The following SH3GL2 variants were observed in gnomAD, a reference collection of about 807,000 sequenced individuals.
SH3GL2 encodes SH3 domain containing GRB2 like 2, endophilin A1, also known as endophilin-A1.
In SH3GL2, 24 loss-of-function variants were observed where a neutral mutation model predicts 46.0. The observed-to-expected ratio is 0.52, with a 90% CI of 0.38 to 0.73. SH3GL2 has a LOEUF of 0.73. SH3GL2 is among the 30% of genes least tolerant of loss of function. The pLI is 0.00. For missense variants in SH3GL2, 413 were observed against 424.2 expected (o/e 0.97, Z 0.23); for synonymous variants, 196 against 147.1 (o/e 1.33, Z -2.40).
At chr9:17,772,004 ACT>A (rs1823495117) in intron 3 of SH3GL2, among the ~76,000 whole-genome samples, 1 of 152,040 alleles carries the variant, frequency 6.6e-6, no homozygotes, top group South Asian at 2.1e-4. Context: ...TTACAGTATA[ACT>A]CTTTCTGTCA....
In SH3GL2 at chr9:17,579,201, C is replaced by T. The variant is rs993776254; in HGVS notation, c.-42C>T. 29 of 1,484,768 alleles carry T rather than the reference C, an allele frequency of 2.0e-5. No individual in the cohort carries two copies. The highest frequency in any genetic ancestry group is 2.4e-5 in the Non-Finnish European group (26 of 1,105,050). The allele number at this position is 1,484,768 out of a possible 1,614,324, so 92.0% of individuals were successfully genotyped here. ...TCGGCCCTCCAGTCCCCCTCCGCCT[C>T]CTCCCTCCCGCACAGCAGCCGCCAG... On this transcript the variant is annotated 5_prime_UTR_variant, in exon 1 of 9. Coordinates refer to ENST00000380607, the MANE Select transcript of SH3GL2 (RefSeq NM_003026.5).
At chr9:17,679,064 G>A (rs915722652) in intron 1 of SH3GL2, among the ~76,000 whole-genome samples, 21 of 152,100 alleles carry the variant, frequency 1.4e-4, no homozygotes, top group Non-Finnish European at 2.4e-4. Flanking sequence ...GTCAGGTAGT[G>A]TGATGCCTCC....
At chr9:17,745,298 A>G (rs1178224151) in intron 1 of SH3GL2, among the ~76,000 whole-genome samples, 1 of 152,224 alleles carries the variant, frequency 6.6e-6, no homozygotes, top group East Asian at 1.9e-4. Flanking sequence ...TTCTTAAAGT[A>G]TGAAATAACA....
intron 1 of SH3GL2, among the ~76,000 whole-genome samples, chr9:17,592,894 C>T (rs977893683): frequency 2.0e-5 from 3 of 152,102 alleles, no homozygotes; most frequent in East Asian, 3.9e-4. Flanking sequence ...CAGCTCCAGC[C>T]TCCTTAGAGG....
intron 1 of SH3GL2, among the ~76,000 whole-genome samples, chr9:17,616,085 T>A (rs779839872): frequency 1.3e-5 from 2 of 152,214 alleles, no homozygotes; most frequent in African/African-American, 2.4e-5. Context: ...TAAGGTGGAT[T>A]ACTTACCCAT....
At chr9:17,715,654 G>C (rs1394766159) in intron 1 of SH3GL2, among the ~76,000 whole-genome samples, 1 of 151,784 alleles carries the variant, frequency 6.6e-6, no homozygotes, top group Non-Finnish European at 1.5e-5. Context: ...TTATGTCTGG[G>C]AATTATACCT....
Position 17,639,060 on chromosome 9 carries a change from A to G in SH3GL2, c.45+59773A>G, listed in dbSNP as rs373235906. On this transcript the variant is annotated intron_variant, in intron 1 of 8. Coordinates refer to ENST00000380607, the MANE Select transcript of SH3GL2 (RefSeq NM_003026.5). The stretch of plus-strand genomic sequence containing the variant: ...GCCAAGTGTAATGTATGTAACACTT[A>G]CTTTATAAAGGTATGTTGAATGAAT... Among the ~76,000 whole-genome samples the G allele has an allele frequency of 1.9e-4, 29 of 152,350 alleles. No individual in the cohort carries two copies. In the East Asian group the frequency reaches 3.1e-3, roughly 16 times the overall value.
At chr9:17,788,449 A>G (rs1824024883) in intron 5 of SH3GL2, among the ~76,000 whole-genome samples, 1 of 152,074 alleles carries the variant, frequency 6.6e-6, no homozygotes, top group Non-Finnish European at 1.5e-5. Flanking sequence ...CATTTTTTTA[A>G]CTACTCCCTA....
rs570381851 is a variant in SH3GL2 at position 17,695,353 on chromosome 9, G to T, written c.46-51713G>T. 2.6e-5 allele frequency among the ~76,000 whole-genome samples: 4 copies of T among 152,276 alleles called. No homozygotes were observed. In the East Asian group the frequency reaches 7.7e-4, roughly 29 times the overall value. On this transcript the variant is annotated intron_variant, in intron 1 of 8. Transcript: ENST00000380607. ...GCTAGCCTCTGCTTCATACACAGTG[G>T]AGTAGATGCCTGAGGTTGTCAGCAA...
intron 3 of SH3GL2, among the ~76,000 whole-genome samples, chr9:17,762,839 C>G (rs3808675): frequency 0.5 from 76,572 of 151,960 alleles, 19,733 homozygotes; most frequent in East Asian, 0.88. Context: ...TTATTCCTTA[C>G]TGTTTAAACC....
intron 1 of SH3GL2, among the ~76,000 whole-genome samples, chr9:17,730,752 A>C (rs1451918487): frequency 1.3e-5 from 2 of 152,102 alleles, no homozygotes; most frequent in Non-Finnish European, 2.9e-5. Flanking sequence ...AACATGATCT[A>C]AGTTGCTCTA....
chr9:17,639,512 A>G (rs1251318593), intron 1 of SH3GL2, among the ~76,000 whole-genome samples: 2 of 152,228 alleles, frequency 1.3e-5, no homozygotes, highest in Non-Finnish European at 2.9e-5. Context: ...GGCCAAAGTT[A>G]AAAAGAGAAT....
intron 1 of SH3GL2, among the ~76,000 whole-genome samples, chr9:17,710,090 G>T (rs1018300734): frequency 2.6e-5 from 4 of 151,858 alleles, no homozygotes; most frequent in Non-Finnish European, 1.5e-5. Context: ...ATCAGTTAGG[G>T]AACTGATATG....
At chr9:17,794,121 T>G (rs1190990202) in intron 8 of SH3GL2, among the ~76,000 whole-genome samples, 1 of 152,278 alleles carries the variant, frequency 6.6e-6, no homozygotes, top group East Asian at 1.9e-4. Flanking sequence ...GATGACATTT[T>G]ATCTCAGGAA....
chr9:17,733,297 T>C (rs1418848575), intron 1 of SH3GL2, among the ~76,000 whole-genome samples: 3 of 152,084 alleles, frequency 2.0e-5, no homozygotes, highest in African/African-American at 7.2e-5. Context: ...TTATTATACT[T>C]TAAGTTTTAG....
chr9:17,663,281 G>A (rs938788774), intron 1 of SH3GL2, among the ~76,000 whole-genome samples: 5 of 152,194 alleles, frequency 3.3e-5, no homozygotes, highest in Non-Finnish European at 7.3e-5. Flanking sequence ...TACATTGACT[G>A]TGATGATTGT....
chr9:17,753,189 A>G (rs945657515), intron 2 of SH3GL2, among the ~76,000 whole-genome samples: 4 of 152,158 alleles, frequency 2.6e-5, no homozygotes, highest in African/African-American at 9.7e-5. Context: ...GTGTCTTTAT[A>G]ATAGAACAAT....
chr9:17,675,931 C>T (rs562287577), intron 1 of SH3GL2, among the ~76,000 whole-genome samples: 100 of 152,086 alleles, frequency 6.6e-4, no homozygotes, highest in African/African-American at 2.3e-3. Context: ...GGCGACAGAG[C>T]GAGACTCCGT....
intron 1 of SH3GL2, among the ~76,000 whole-genome samples, chr9:17,721,719 T>C (rs929990078): frequency 6.6e-6 from 1 of 152,120 alleles, no homozygotes; most frequent in Non-Finnish European, 1.5e-5. Context: ...TCTCAGGCCT[T>C]AAGAGTTGGA....
Sources: gnomAD v4.1 joint callset for allele counts (sites outside exome capture counted in the v4.1 genomes callset) on GRCh38, gnomAD v4.1.1 for gene constraint, MANE v1.5 for transcripts, NCBI Gene and HGNC (gene_info 2026-07-23, HGNC 2026-07-21) for gene names.